Variants in USP28 observed in about 807,000 individuals in gnomAD.
The protein encoded by USP28 is ubiquitin specific peptidase 28.
In USP28, 113 loss-of-function variants were observed where a neutral mutation model predicts 145.0. The ratio of observed to expected loss-of-function variants is 0.78; its 90% CI spans 0.67 to 0.91. USP28 has a LOEUF of 0.91. Among genes scored for constraint, USP28 ranks in the 40% least tolerant of loss-of-function variants. The pLI is 0.00. For missense variants in USP28, 1,201 were observed against 1,289.6 expected, an observed-to-expected ratio of 0.93 and a Z score of 1.05; for synonymous variants, 447 against 450.9, an observed-to-expected ratio of 0.99 and a Z score of 0.11.
intron 5 of USP28, among the ~76,000 whole-genome samples, chr11:113,836,205 A>G (rs1365997264): frequency 6.6e-6 from 1 of 152,050 alleles, no homozygotes; most frequent in Non-Finnish European, 1.5e-5. Flanking sequence ...TCATTATTAC[A>G]TCCTCCTCCC....
chr11:113,849,652 G>C (rs1271432110), intron 3 of USP28, among the ~76,000 whole-genome samples: 1 of 152,124 alleles, frequency 6.6e-6, no homozygotes, highest in Non-Finnish European at 1.5e-5. Context: ...TGTTGATATG[G>C]GGGTACTGCA....
In USP28 at chr11:113,874,423, GAAAAAA is replaced by G. The variant is rs778295743; in HGVS notation, c.57+1016_57+1021del. On this transcript the variant is annotated intron_variant, in intron 1 of 24. Transcript: ENST00000003302. ...CTAGGCAACAGAGGGAGACTCTGTCGAAAAAAAAAAAAAAAAAAAAAAAAAAGTGTC... is the reference window on the plus strand; with the variant it reads ...CTAGGCAACAGAGGGAGACTCTGTCGAAAAAAAAAAAAAAAAAAAAGTGTC... 816 of 413,696 alleles carry G rather than the reference GAAAAAA, an allele frequency of 2.0e-3. 5 individuals are homozygous for G. In the African/African-American group the frequency reaches 0.027, roughly 14 times the overall value. 25.6% of individuals were successfully genotyped at this position (413,696 alleles called of 1,614,324 possible).
chr11:113,875,540 G>A (rs1428349568), exon 1 of USP28: 1 of 1,136,170 alleles, frequency 8.8e-7, no homozygotes, highest in South Asian at 4.1e-5. Context: ...GTCTCCCGCC[G>A]CAGCCGCCGC....
At chr11:113,820,024 G>A (rs1352314142) in intron 12 of USP28, among the ~76,000 whole-genome samples, 1 of 152,236 alleles carries the variant, frequency 6.6e-6, no homozygotes. Flanking sequence ...TTATTGGAAT[G>A]CTAAGCTTGT....
intron 12 of USP28, 137 bp from the exon 13 acceptor site, chr11:113,817,974 C>A: frequency 1.2e-6 from 1 of 815,138 alleles, no homozygotes; most frequent in East Asian, 2.7e-5. Flanking sequence ...TAATAGGGTC[C>A]TCAAACAATC....
intron 1 of USP28, among the ~76,000 whole-genome samples, chr11:113,858,238 CAAT>C (rs1468706359): frequency 6.6e-6 from 1 of 152,140 alleles, no homozygotes; most frequent in Non-Finnish European, 1.5e-5. Flanking sequence ...GCTCCAACAA[CAAT>C]GTTCTACATG....
chr11:113,806,261 A>C (rs1939937795), intron 19 of USP28, among the ~76,000 whole-genome samples: 1 of 151,792 alleles, frequency 6.6e-6, no homozygotes. Flanking sequence ...AAGAGATGGG[A>C]TCTCATTATG....
chr11:113,804,662 A>G lies in USP28; in HGVS notation c.2658+11T>C. 1 of 1,607,650 alleles carries G rather than the reference A, an allele frequency of 6.2e-7. No homozygotes were observed. The highest frequency in any genetic ancestry group is 8.5e-7 in the Non-Finnish European group (1 of 1,178,546). On this transcript the variant is annotated intron_variant, in intron 21 of 24. Transcript: ENST00000003302. ...TGTTTTTGCTCTATAGACTTAAAGA[A>G]AACACTTTACCTTGTACTCTTCCAT... is the stretch of plus-strand genomic sequence containing the variant.
chr11:113,815,798 A>G (rs1941647265), intron 13 of USP28, among the ~76,000 whole-genome samples: 1 of 152,212 alleles, frequency 6.6e-6, no homozygotes, highest in Non-Finnish European at 1.5e-5. Flanking sequence ...TCAACTACAG[A>G]GTTTACAAGA....
chr11:113,868,692 G>A (rs769024638), intron 1 of USP28, among the ~76,000 whole-genome samples: 8 of 152,052 alleles, frequency 5.3e-5, no homozygotes, highest in Non-Finnish European at 1.2e-4. Context: ...AGGCTCAGGC[G>A]GGAGGATCAC....
In USP28 at chr11:113,838,202, G is replaced by A. The variant is rs541498218; in HGVS notation, c.534+2396C>T. On this transcript the variant is annotated intron_variant, in intron 5 of 24. Transcript: ENST00000003302. ...CTTGTCCACCCTCCACAGGAGTGAA[G>A]GCTAATGGTGGGGGGGCGGTGGTTG... is the stretch of plus-strand genomic sequence containing the variant. Among the ~76,000 whole-genome samples the A allele has an allele frequency of 2.0e-5, 3 of 152,282 alleles. No individual in the cohort carries two copies. In the East Asian group the frequency reaches 5.8e-4, roughly 29 times the overall value.
chr11:113,803,673 G>A (rs1939443835), intron 22 of USP28, 125 bp downstream of exon 23: 1 of 711,688 alleles, frequency 1.4e-6, no homozygotes. Flanking sequence ...TGCAAGAGAA[G>A]AGGCACACTA....
intron 2 of USP28, 62 bp from the exon 3 acceptor site, chr11:113,852,695 A>G: frequency 3.2e-6 from 5 of 1,582,954 alleles, no homozygotes; most frequent in Non-Finnish European, 4.3e-6. Flanking sequence ...ACCAGTTTTG[A>G]GTATTAACTT....
At chr11:113,845,768 A>T (rs1220384659) in intron 3 of USP28, among the ~76,000 whole-genome samples, 2 of 152,166 alleles carry the variant, frequency 1.3e-5, no homozygotes, top group African/African-American at 4.8e-5. Flanking sequence ...AGAGACAGGG[A>T]TTCACCATAT....
chr11:113,853,720 C>CA (rs1946730820), intron 2 of USP28, among the ~76,000 whole-genome samples: 1 of 151,640 alleles, frequency 6.6e-6, no homozygotes, highest in South Asian at 2.1e-4. Context: ...ACTAAAAATA[C>CA]AAAAATTAGC....
At chr11:113,808,537 C>G in intron 17 of USP28, 100 bp from the exon 18 acceptor site, 1 of 1,259,038 alleles carries the variant, frequency 7.9e-7, no homozygotes. Flanking sequence ...ATATACAACC[C>G]TGTTAACACA....
chr11:113,874,077 G>T (rs576461286), intron 1 of USP28, among the ~76,000 whole-genome samples: 3 of 148,220 alleles, frequency 2.0e-5, no homozygotes, highest in Admixed American at 1.4e-4. Context: ...GGAGACGGAA[G>T]TTGCAGTGAG....
At chr11:113,840,839 G>T in intron 4 of USP28, 82 bp from the exon 5 acceptor site, 1 of 1,468,258 alleles carries the variant, frequency 6.8e-7, no homozygotes, top group Non-Finnish European at 9.1e-7. Flanking sequence ...ATAACTTTTC[G>T]TGGATAATTC....
exon 16 of USP28, chr11:113,812,490 C>T: frequency 6.2e-7 from 1 of 1,613,978 alleles, no homozygotes; most frequent in Non-Finnish European, 8.5e-7. Flanking sequence ...GAACTGCATG[C>T]AAGCGATAAG....
Sources: gnomAD v4.1 joint callset for allele counts (sites outside exome capture counted in the v4.1 genomes callset) on GRCh38, gnomAD v4.1.1 for gene constraint, MANE v1.5 for transcripts, NCBI Gene and HGNC (gene_info 2026-07-23, HGNC 2026-07-21) for gene names.